The following ADAMTS13 variants were observed in gnomAD, a reference collection of about 807,000 sequenced individuals.
The protein encoded by ADAMTS13 is ADAM metallopeptidase with thrombospondin type 1 motif 13.
In ADAMTS13, 110 loss-of-function variants were observed where a neutral mutation model predicts 155.1. The ratio of observed to expected loss-of-function variants is 0.71; its 90% CI spans 0.61 to 0.83. ADAMTS13 has a LOEUF of 0.83. Ranked by LOEUF, ADAMTS13 falls within the 40% of genes least tolerant of loss-of-function variation. The pLI is 0.00. For missense variants in ADAMTS13, 1,707 were observed against 1,891.7 expected (o/e 0.90, Z 1.81); for synonymous variants, 758 against 756.4 (o/e 1.00, Z -0.03).
Position 133,423,122 on chromosome 9 carries a change from C to T in ADAMTS13, c.127C>T (p.Pro43Ser). 1 of 1,613,784 alleles carries T rather than the reference C, an allele frequency of 6.2e-7. No homozygotes were observed. The highest frequency in any genetic ancestry group is 8.5e-7 in the Non-Finnish European group (1 of 1,179,946). ...FQQSCLQALE[P>S]QAVSSYLSPG... Reference sequence around the variant, plus strand: ...GCAGAGTTGTCTTCAGGCTTTGGAGCCACAGGCCGTGTCTTCTTACTTGAG... The same window carrying T: ...GCAGAGTTGTCTTCAGGCTTTGGAGTCACAGGCCGTGTCTTCTTACTTGAG... The change falls in exon 2 of 29, where the codon CCA (proline) becomes TCA (serine). Residue 43 changes from proline to serine, a missense_variant. This residue lies in a region of ADAMTS13 where 733 missense variants were observed against 749.6 expected (regional missense o/e 0.98). Coordinates refer to ENST00000355699, the MANE Select transcript of ADAMTS13 (RefSeq NM_139027.6).
At chr9:133,455,158 T>G (rs1672768698) in intron 24 of ADAMTS13, 127 bp from the exon 25 acceptor site, 1 of 1,034,160 alleles carries the variant, frequency 9.7e-7, no homozygotes, top group Non-Finnish European at 1.5e-6. Context: ...ATCTGTGGAA[T>G]GGAGACACTT....
chr9:133,421,073 T>C (rs1404299548), upstream of ADAMTS13, among the ~76,000 whole-genome samples: 2 of 151,958 alleles, frequency 1.3e-5, no homozygotes, highest in Non-Finnish European at 2.9e-5. Context: ...TGAGACCAGC[T>C]TGGCCAACAT....
upstream of ADAMTS13, among the ~76,000 whole-genome samples, chr9:133,419,042 C>T (rs1032348305): frequency 6.6e-6 from 1 of 152,108 alleles, no homozygotes; most frequent in African/African-American, 2.4e-5. Context: ...GGTTTCGCCA[C>T]GTTGGCCAGG....
chr9:133,429,934 C>T lies in ADAMTS13; in HGVS notation c.825-5C>T, dbSNP rs34254995. The T allele has an allele frequency of 1.3e-6, 2 of 1,535,050 alleles. No individual in the cohort carries two copies. The highest frequency in any genetic ancestry group is 1.7e-6 in the Non-Finnish European group (2 of 1,145,596). On this transcript the variant is annotated splice_polypyrimidine_tract_variant and splice_region_variant and intron_variant, in intron 7 of 28. Coordinates refer to ENST00000355699, the MANE Select transcript of ADAMTS13 (RefSeq NM_139027.6). The stretch of plus-strand genomic sequence containing the variant: ...GAGCCGGGCCTGAGCCGGGCCTTGT[C>T]GCAGCGCAGGACGGGCGCGCTGCGT...
chr9:133,436,978 T>C (rs782135703), intron 12 of ADAMTS13, 23 bp downstream of exon 12: 3 of 1,589,922 alleles, frequency 1.9e-6, no homozygotes, highest in South Asian at 1.1e-5. Context: ...GAGTGTGGGG[T>C]TGGGGGAGGA....
intron 8 of ADAMTS13, among the ~76,000 whole-genome samples, chr9:133,432,259 G>A (rs587600377): frequency 5.3e-5 from 8 of 151,868 alleles, no homozygotes; most frequent in African/African-American, 1.7e-4. Context: ...GAGCGAAACT[G>A]TCTCAAAAAA....
Position 133,437,642 on chromosome 9 carries a change from A to G in ADAMTS13, c.1436-107A>G, listed in dbSNP as rs36220586. 851 of 1,288,796 alleles carry G rather than the reference A, an allele frequency of 6.6e-4. 3 individuals are homozygous for G. The African/African-American group carries it at 0.011, about 17-fold the overall frequency. 79.8% of individuals were successfully genotyped at this position (1,288,796 alleles called of 1,614,324 possible). On this transcript the variant is annotated intron_variant, in intron 12 of 28. Transcript: ENST00000355699. ...TTGCCTTAGGAGGTGGGATGTGGGG[A>G]AGATAGAAACCCTTGCCCCAGATGC...
chr9:133,427,943 T>C (rs990086340), intron 6 of ADAMTS13, among the ~76,000 whole-genome samples: 6 of 152,238 alleles, frequency 3.9e-5, no homozygotes, highest in Non-Finnish European at 8.8e-5. Context: ...AATGGCAAAC[T>C]GGTATGGCAC....
rs782138379 is a variant in ADAMTS13 at position 133,445,084 on chromosome 9, CTGT to C, written c.2610+35_2610+37del. On this transcript the variant is annotated intron_variant, in intron 20 of 28. Transcript: ENST00000355699. The surrounding 1 kb of genome is among the most constrained non-coding windows in gnomAD (Gnocchi z 5.0). ...GCCCTGGGCATGAGGGTGGCTGGGG[CTGT>C]TGAGTCCTTTACCTGGCTGGGAGAA... 1.2e-6 allele frequency: 2 copies of C among 1,603,660 alleles called. No individual in the cohort carries two copies. Among genetic ancestry groups the C allele is most frequent in the Middle Eastern group, 1.8e-4 (1 of 5,690 alleles).
chr9:133,449,843 C>G lies in ADAMTS13; in HGVS notation c.2922C>G (p.Ile974Met). ...GTGGGAGAGGGGTCGTGCGGAGGAT[C>G]CTGTATTGTGCCCGGGCCCATGGGG... is the stretch of plus-strand genomic sequence containing the variant. ...VSCGRGVVRR[I>M]LYCARAHGED... Residue 974 changes from isoleucine to methionine, a missense_variant, in exon 23 of 29, where the codon ATC becomes ATG. By Grantham distance (10) the Ile-to-Met change is conservative. Transcript: ENST00000355699. The G allele has an allele frequency of 6.2e-7, 1 of 1,614,044 alleles. No homozygotes were observed. Among genetic ancestry groups the G allele is most frequent in the East Asian group, 2.2e-5 (1 of 44,866 alleles).
chr9:133,457,553 A>G (rs1018712795), intron 27 of ADAMTS13, among the ~76,000 whole-genome samples: 2 of 152,228 alleles, frequency 1.3e-5, no homozygotes, highest in Non-Finnish European at 2.9e-5. Flanking sequence ...TGGGGGCTCC[A>G]GTGAGCTCTG....
intron 21 of ADAMTS13, 118 bp from the exon 22 acceptor site, chr9:133,448,481 C>T: frequency 7.3e-7 from 1 of 1,372,082 alleles, no homozygotes; most frequent in Non-Finnish European, 1.0e-6. Context: ...TGGTAAGTGG[C>T]AGAGCCGGGA....
At chr9:133,417,775 T>C (rs782400065), upstream of ADAMTS13, 1 of 1,611,694 alleles carries the variant, frequency 6.2e-7, no homozygotes, top group Non-Finnish European at 8.5e-7. Flanking sequence ...GTGAGCGTCT[T>C]GACAGGACCC....
rs1323019897 is a variant in ADAMTS13, at chr9:133,445,574, A to G, written c.2611-125A>G. 13 of 1,459,262 alleles carry G rather than the reference A, an allele frequency of 8.9e-6. No individual in the cohort carries two copies. The East Asian group carries it at 3.1e-4, about 34-fold the overall frequency. 90.4% of individuals were successfully genotyped at this position (1,459,262 alleles called of 1,614,324 possible). ...GCCGATCTCGCCAAGGGAGGAGGGG[A>G]GGGAGCCCCTGGTGCACACACGCCA... On this transcript the variant is annotated intron_variant, in intron 20 of 28. Coordinates refer to ENST00000355699, the MANE Select transcript of ADAMTS13 (RefSeq NM_139027.6). This position sits in a 1 kb window ranked among gnomAD's most constrained non-coding sequence, Gnocchi z 5.0.
intron 6 of ADAMTS13, among the ~76,000 whole-genome samples, chr9:133,427,349 T>C (rs1450412885): frequency 1.3e-5 from 2 of 152,214 alleles, no homozygotes; most frequent in African/African-American, 4.8e-5. Context: ...ATTTCTTTAG[T>C]TTTTTAAGTA....
intron 18 of ADAMTS13, among the ~76,000 whole-genome samples, 173 bp from the exon 19 acceptor site, chr9:133,443,203 G>A (rs190084866): frequency 2.2e-4 from 34 of 152,300 alleles, no homozygotes; most frequent in Non-Finnish European, 3.8e-4. Context: ...CCTGTGATTC[G>A]GTTGTCCTCA....
At chr9:133,426,458 C>G in intron 6 of ADAMTS13, 113 bp downstream of exon 6, 1 of 1,403,208 alleles carries the variant, frequency 7.1e-7, no homozygotes, top group South Asian at 1.2e-5. Flanking sequence ...CCAGAGGAGC[C>G]TGTACCCCTC....
At chr9:133,419,429 G>A (rs1330713595), upstream of ADAMTS13, among the ~76,000 whole-genome samples, 1 of 152,166 alleles carries the variant, frequency 6.6e-6, no homozygotes, top group Non-Finnish European at 1.5e-5. Context: ...TTTGGAAATC[G>A]TCAGCACATA....
In ADAMTS13 at chr9:133,454,408, C is replaced by T; in HGVS notation, c.3045-7C>T. 1 of 1,613,802 alleles carries T rather than the reference C, an allele frequency of 6.2e-7. No individual in the cohort carries two copies. The highest frequency in any genetic ancestry group is 1.1e-5 in the South Asian group (1 of 91,072). On this transcript the variant is annotated splice_region_variant and splice_polypyrimidine_tract_variant and intron_variant, in intron 23 of 28. Transcript: ENST00000355699. ...TAGCCTCTCTCTGGGGTCTTCTCTT[C>T]CTGCAGGTGGAAAGTCATGTCCCTT...
Sources: allele counts gnomAD v4.1 joint callset (sites outside exome capture counted in the v4.1 genomes callset), GRCh38; gene constraint gnomAD v4.1.1; regional missense constraint gnomAD v4.1.1; non-coding constraint Gnocchi (gnomAD v3.1); transcripts MANE v1.5; gene names NCBI Gene and HGNC (gene_info 2026-07-23, HGNC 2026-07-21).